The following NRXN1 variants were observed in gnomAD, a reference collection of about 807,000 sequenced individuals.
NRXN1 encodes the protein neurexin 1.
Under a neutral mutation model 150.9 loss-of-function variants are expected in NRXN1, and 39 were observed. That is an observed-to-expected ratio of 0.26 (90% confidence interval 0.20 to 0.34). NRXN1 has a LOEUF of 0.34. NRXN1 is among the 10% of genes least tolerant of loss of function. The pLI is 1.00. For synonymous variants in NRXN1, 924 were observed against 757.0 expected, an observed-to-expected ratio of 1.22 and a Z score of -3.62; for missense variants, 1,815 against 1,949.9, an observed-to-expected ratio of 0.93 and a Z score of 1.30.
intron 17 of NRXN1, among the ~76,000 whole-genome samples, chr2:50,456,690 C>T (rs1477251843): frequency 2.0e-5 from 3 of 152,086 alleles, no homozygotes; most frequent in African/African-American, 4.8e-5. Context: ...CATGTTTCCC[C>T]AGGCTTTTTT....
At chr2:50,999,931 A>C (rs952151753) in intron 2 of NRXN1, among the ~76,000 whole-genome samples, 2 of 152,048 alleles carry the variant, frequency 1.3e-5, no homozygotes, top group Non-Finnish European at 2.9e-5. Context: ...AATGAAACAG[A>C]ATCATATTCC....
chr2:50,926,968 C>T (rs575735093), intron 2 of NRXN1, among the ~76,000 whole-genome samples: 4 of 151,906 alleles, frequency 2.6e-5, no homozygotes, highest in African/African-American at 9.6e-5. Flanking sequence ...CCTGCAATCC[C>T]GGCAAGAAAT....
At chr2:50,150,773 C>A (rs573736341) in intron 18 of NRXN1, among the ~76,000 whole-genome samples, 1 of 151,764 alleles carries the variant, frequency 6.6e-6, no homozygotes, top group Admixed American at 6.6e-5. Context: ...CCAAATGGAG[C>A]CCATAGGGAT....
intron 2 of NRXN1, among the ~76,000 whole-genome samples, chr2:50,972,087 CAA>C (rs554904002): frequency 9.8e-5 from 12 of 121,912 alleles, no homozygotes; most frequent in East Asian, 2.1e-4. Context: ...ATTTTATTCA[CAA>C]AAAAAAAAAA....
intron 5 of NRXN1, among the ~76,000 whole-genome samples, chr2:50,730,817 C>T (rs914292339): frequency 9.9e-5 from 15 of 151,822 alleles, no homozygotes; most frequent in African/African-American, 1.9e-4. Context: ...GGACTACAGG[C>T]GCCCGCCACC....
At chr2:49,997,997 C>T (rs529600887) in intron 21 of NRXN1, among the ~76,000 whole-genome samples, 1 of 152,124 alleles carries the variant, frequency 6.6e-6, no homozygotes, top group African/African-American at 2.4e-5. Flanking sequence ...TGCTGCATTG[C>T]TTTTGCTAAA....
At chr2:50,599,506 G>A (rs1675888333) in intron 8 of NRXN1, among the ~76,000 whole-genome samples, 1 of 152,224 alleles carries the variant, frequency 6.6e-6, no homozygotes, top group South Asian at 2.1e-4. Flanking sequence ...TGAAAATTAT[G>A]ATATAATAAA....
At chr2:50,279,316 T>C (rs1574900794) in intron 17 of NRXN1, among the ~76,000 whole-genome samples, 1 of 152,304 alleles carries the variant, frequency 6.6e-6, no homozygotes, top group East Asian at 1.9e-4. Flanking sequence ...ATCTAAATAA[T>C]AACAGCTTAA....
intron 8 of NRXN1, among the ~76,000 whole-genome samples, chr2:50,574,721 G>C (rs946600981): frequency 6.6e-6 from 1 of 152,176 alleles, no homozygotes; most frequent in East Asian, 1.9e-4. Flanking sequence ...GTCAGGATTT[G>C]CATTGACAAC....
intron 18 of NRXN1, among the ~76,000 whole-genome samples, chr2:50,143,817 C>T (rs777008307): frequency 4.0e-5 from 6 of 151,720 alleles, no homozygotes; most frequent in Admixed American, 1.3e-4. Flanking sequence ...GTTTGCCCAG[C>T]GTAATTGCTC....
intron 5 of NRXN1, among the ~76,000 whole-genome samples, chr2:50,843,858 A>G (rs1243112077): frequency 6.6e-6 from 1 of 152,186 alleles, no homozygotes; most frequent in African/African-American, 2.4e-5. Flanking sequence ...ACGTCTCACA[A>G]TGCTATTTCC....
intron 5 of NRXN1, among the ~76,000 whole-genome samples, chr2:50,688,539 T>G (rs1574105614): frequency 6.6e-6 from 1 of 152,312 alleles, no homozygotes; most frequent in East Asian, 1.9e-4. Context: ...TGATTTGTTT[T>G]GCCTGCCCCT....
chr2:50,068,233 G>A (rs1215204513), intron 19 of NRXN1, among the ~76,000 whole-genome samples: 1 of 151,964 alleles, frequency 6.6e-6, no homozygotes, highest in African/African-American at 2.4e-5. Flanking sequence ...AAGATTAAAT[G>A]GTCTGGAATT....
intron 17 of NRXN1, among the ~76,000 whole-genome samples, chr2:50,409,994 T>C (rs1330231048): frequency 6.6e-6 from 1 of 152,210 alleles, no homozygotes; most frequent in African/African-American, 2.4e-5. Context: ...TCTGATCTCA[T>C]GTTGACATTC....
At chr2:50,026,968 G>A (rs1020542318) in intron 21 of NRXN1, among the ~76,000 whole-genome samples, 8 of 134,982 alleles carry the variant, frequency 5.9e-5, no homozygotes, top group African/African-American at 1.4e-4. Flanking sequence ...TGAAACCTCC[G>A]GCTCCCAGGT....
At position 50,385,127 on chromosome 2, in the gene NRXN1, C is replaced by A. The variant is rs537662540; in HGVS notation, c.3364+80315G>T. 7.2e-5 allele frequency among the ~76,000 whole-genome samples: 11 copies of A among 152,282 alleles called. No individual in the cohort carries two copies. In the East Asian group the frequency reaches 1.5e-3, roughly 21 times the overall value. ...AGCACTTTAGCGTTTAATCCAAACA[C>A]CCCCAAGCTACACTTTGAATGAAAA... is the stretch of plus-strand genomic sequence containing the variant. On this transcript the variant is annotated intron_variant, in intron 17 of 22. Transcript: ENST00000401669.
At chr2:50,486,573 T>C (rs900268431) in intron 15 of NRXN1, among the ~76,000 whole-genome samples, 1 of 152,132 alleles carries the variant, frequency 6.6e-6, no homozygotes, top group Non-Finnish European at 1.5e-5. Flanking sequence ...CTTATAGTGT[T>C]TGAATTCTTT....
chr2:50,447,025 T>C (rs1408601786), intron 17 of NRXN1, among the ~76,000 whole-genome samples: 1 of 152,162 alleles, frequency 6.6e-6, no homozygotes, highest in African/African-American at 2.4e-5. Context: ...ACCATATTGC[T>C]ACATTTTAGA....
intron 2 of NRXN1, among the ~76,000 whole-genome samples, chr2:50,975,028 C>T (rs1013743463): frequency 6.6e-6 from 1 of 151,920 alleles, no homozygotes; most frequent in Non-Finnish European, 1.5e-5. Context: ...CCCCCTGGAA[C>T]ACCCAAGACT....
Sources: gnomAD v4.1 joint callset for allele counts (sites outside exome capture counted in the v4.1 genomes callset) on GRCh38, gnomAD v4.1.1 for gene constraint, MANE v1.5 for transcripts, NCBI Gene and HGNC (gene_info 2026-07-23, HGNC 2026-07-21) for gene names.